MSI2: variants seen among roughly 807,000 people sequenced by gnomAD.
MSI2 encodes musashi RNA binding protein 2, also known as RNA-binding protein Musashi homolog 2.
Under a neutral mutation model 45.6 loss-of-function variants are expected in MSI2, and 17 were observed. The ratio of observed to expected loss-of-function variants is 0.37; its 90% CI spans 0.26 to 0.56. The LOEUF (loss-of-function observed/expected upper bound fraction) is 0.56, where lower values mean the gene tolerates loss of function less well. MSI2 is among the 20% of genes least tolerant of loss of function. MSI2 has a pLI of 0.77. For missense variants in MSI2, 293 were observed against 444.2 expected (o/e 0.66, Z 3.06); for synonymous variants, 156 against 158.2 (o/e 0.99, Z 0.11).
chr17:57,319,997 T>G (rs1000679164), intron 5 of MSI2, among the ~76,000 whole-genome samples: 5 of 151,978 alleles, frequency 3.3e-5, no homozygotes, highest in African/African-American at 9.7e-5. Flanking sequence ...CTCAAATGAG[T>G]GAGCTGTGAG....
Position 57,546,814 on chromosome 17 carries a change from C to T in MSI2, c.454+17090C>T, listed in dbSNP as rs536081565. 5.7e-4 allele frequency among the ~76,000 whole-genome samples: 87 copies of T among 152,332 alleles called. 1 individual carries two copies. The highest frequency in any genetic ancestry group is 2.0e-3 in the African/African-American group (85 of 41,576). On this transcript the variant is annotated intron_variant, in intron 7 of 13. Coordinates refer to ENST00000284073, the MANE Select transcript of MSI2 (RefSeq NM_138962.4). ...GCTTGAGGCTCTGGGGCTTCATGCT[C>T]TTGTCCCACGGCCACTGTGTCCTGG... is the stretch of plus-strand genomic sequence containing the variant.
intron 6 of MSI2, among the ~76,000 whole-genome samples, chr17:57,466,041 C>G (rs1468727926): frequency 6.6e-6 from 1 of 152,134 alleles, no homozygotes; most frequent in African/African-American, 2.4e-5. Context: ...TGCACACTCC[C>G]CCTGAGGAGT....
At chr17:57,697,152 A>ACACATACACACACACACACT in the MSI2 span, among the ~76,000 whole-genome samples, 4 of 151,404 alleles carry the variant, frequency 2.6e-5, no homozygotes, top group Non-Finnish European at 4.4e-5. Context: ...GGACACACAC[A>ACACATACACACACACACACT]CACACACACA....
intron 7 of MSI2, among the ~76,000 whole-genome samples, chr17:57,594,287 G>C (rs1040795036): frequency 3.9e-5 from 6 of 152,130 alleles, no homozygotes; most frequent in Non-Finnish European, 5.9e-5. Flanking sequence ...CATTCTACTG[G>C]GGCCAGTTAG....
At chr17:57,314,718 C>T (rs936889086) in intron 5 of MSI2, among the ~76,000 whole-genome samples, 37 of 151,816 alleles carry the variant, frequency 2.4e-4, no homozygotes, top group Non-Finnish European at 1.2e-4. Flanking sequence ...ATTACAGGCA[C>T]GTGCCACCAC....
At chr17:57,586,628 C>G (rs1449585558) in intron 7 of MSI2, among the ~76,000 whole-genome samples, 1 of 152,206 alleles carries the variant, frequency 6.6e-6, no homozygotes, top group African/African-American at 2.4e-5. Context: ...CAGGATCTGT[C>G]ATTTACACTT....
chr17:57,488,558 C>T (rs950496817), intron 6 of MSI2, among the ~76,000 whole-genome samples: 3 of 152,136 alleles, frequency 2.0e-5, no homozygotes, highest in African/African-American at 7.2e-5. Flanking sequence ...CGCAGTGGCT[C>T]ACGCCTGTAA....
At chr17:57,696,476 A>G in the MSI2 span, among the ~76,000 whole-genome samples, 1 of 152,236 alleles carries the variant, frequency 6.6e-6, no homozygotes. Flanking sequence ...TCAGTGGTTC[A>G]TGCTAGCAAT....
chr17:57,286,377 C>T (rs1909874135), intron 5 of MSI2, among the ~76,000 whole-genome samples: 1 of 152,098 alleles, frequency 6.6e-6, no homozygotes, highest in Non-Finnish European at 1.5e-5. Context: ...TTTTCCTCGA[C>T]GGTCGCTAAT....
chr17:57,566,217 A>G (rs1255160088), intron 7 of MSI2, among the ~76,000 whole-genome samples: 1 of 152,212 alleles, frequency 6.6e-6, no homozygotes, highest in East Asian at 1.9e-4. Flanking sequence ...AGCAAGACCC[A>G]TCTTAAACGT....
intron 10 of MSI2, among the ~76,000 whole-genome samples, chr17:57,639,777 C>A (rs9908174): frequency 0.39 from 59,694 of 151,888 alleles, 12,371 homozygotes; most frequent in Non-Finnish European, 0.46. Flanking sequence ...CTTAGGGATT[C>A]TACAGTCTTT....
chr17:57,367,942 GTAGGGTTCCTGGGTCT>G (rs1441934881), intron 5 of MSI2, among the ~76,000 whole-genome samples: 4 of 152,056 alleles, frequency 2.6e-5, no homozygotes, highest in Non-Finnish European at 5.9e-5. Context: ...AGGTGGTTTT[GTAGGGTTCCTGGGTCT>G]TAGGTGGTTA....
At chr17:57,343,072 G>A (rs760070524) in intron 5 of MSI2, among the ~76,000 whole-genome samples, 44 of 152,086 alleles carry the variant, frequency 2.9e-4, no homozygotes, top group Admixed American at 8.5e-4. Context: ...AAAGAGACAC[G>A]GGTCATGATG....
intron 6 of MSI2, among the ~76,000 whole-genome samples, chr17:57,528,911 C>T (rs1306168126): frequency 6.6e-6 from 1 of 152,172 alleles, no homozygotes; most frequent in Admixed American, 6.5e-5. Flanking sequence ...TCAAGCTTCA[C>T]TGTTTATCAC....
chr17:57,554,774 A>ACAGC (rs770793930), intron 7 of MSI2, among the ~76,000 whole-genome samples: 2 of 152,260 alleles, frequency 1.3e-5, no homozygotes, highest in Non-Finnish European at 2.9e-5. Flanking sequence ...CCATGGACAC[A>ACAGC]CAGCCAATGA....
intron 5 of MSI2, among the ~76,000 whole-genome samples, chr17:57,362,694 C>A (rs1053799450): frequency 6.6e-6 from 1 of 152,016 alleles, no homozygotes; most frequent in Non-Finnish European, 1.5e-5. Context: ...GCTGTGCCTT[C>A]CCCCCATTCT....
chr17:57,554,899 A>G (rs1285366117), intron 7 of MSI2, among the ~76,000 whole-genome samples: 1 of 152,260 alleles, frequency 6.6e-6, no homozygotes, highest in Admixed American at 6.5e-5. Flanking sequence ...TTCTTGAGGC[A>G]TGAGCAGCGC....
intron 11 of MSI2, among the ~76,000 whole-genome samples, chr17:57,658,935 C>G (rs1911792276): frequency 6.6e-6 from 1 of 152,170 alleles, no homozygotes; most frequent in Non-Finnish European, 1.5e-5. Context: ...GGTGGGGGCA[C>G]TGCAGGGTCT....
intron 7 of MSI2, among the ~76,000 whole-genome samples, chr17:57,586,527 T>C (rs572108795): frequency 6.6e-6 from 1 of 151,918 alleles, no homozygotes; most frequent in South Asian, 2.1e-4. Context: ...TCCTAGTGCC[T>C]GATGCCTGTT....
Sources: allele counts gnomAD v4.1 joint callset (sites outside exome capture counted in the v4.1 genomes callset), GRCh38; gene constraint gnomAD v4.1.1; transcripts MANE v1.5; gene names NCBI Gene and HGNC (gene_info 2026-07-23, HGNC 2026-07-21).